The following TACR1 variants were observed in gnomAD, a reference collection of about 807,000 sequenced individuals.
TACR1 encodes tachykinin receptor 1, also known as substance-P receptor.
In TACR1, 25 loss-of-function variants were observed where a neutral mutation model predicts 35.8. That is an observed-to-expected ratio of 0.70 (90% confidence interval 0.51 to 0.98). The LOEUF is 0.98. TACR1 is among the 50% of genes least tolerant of loss of function. The pLI is 0.00. For synonymous variants in TACR1, 195 were observed against 206.7 expected (o/e 0.94, Z 0.48); for missense variants, 478 against 522.9 (o/e 0.91, Z 0.84).
chr2:75,124,888 C>T (rs3821315), intron 1 of TACR1, among the ~76,000 whole-genome samples: 69,477 of 152,008 alleles, frequency 0.46, 16,817 homozygotes, highest in Non-Finnish European at 0.54. Flanking sequence ...GATGGGAACT[C>T]ATTGGGTAGA....
chr2:75,168,893 T>A (rs1240616437), intron 1 of TACR1, among the ~76,000 whole-genome samples: 1 of 152,128 alleles, frequency 6.6e-6, no homozygotes, highest in African/African-American at 2.4e-5. Context: ...CACCAGAGAC[T>A]TTTTCCCCTA....
intron 1 of TACR1, among the ~76,000 whole-genome samples, chr2:75,191,189 C>T (rs1675836932): frequency 6.6e-6 from 1 of 152,200 alleles, no homozygotes; most frequent in South Asian, 2.1e-4. Flanking sequence ...GTCAGTCTCA[C>T]ATACGTGGGA....
At chr2:75,140,572 C>G (rs773269173) in intron 1 of TACR1, among the ~76,000 whole-genome samples, 3 of 152,142 alleles carry the variant, frequency 2.0e-5, no homozygotes, top group African/African-American at 4.8e-5. Context: ...ACTGTCATCT[C>G]CCTCTGAAGA....
intron 1 of TACR1, among the ~76,000 whole-genome samples, chr2:75,129,149 A>G (rs572425792): frequency 6.6e-6 from 1 of 152,336 alleles, no homozygotes; most frequent in East Asian, 1.9e-4. Flanking sequence ...CGTAAGGGAA[A>G]GGGGAATTGC....
At chr2:75,063,049 A>T (rs919895773) in intron 2 of TACR1, among the ~76,000 whole-genome samples, 1 of 152,128 alleles carries the variant, frequency 6.6e-6, no homozygotes, top group Non-Finnish European at 1.5e-5. Context: ...ACAGGAGAAA[A>T]ACTTGTGCAG....
At chr2:75,079,400 A>G (rs1307543091) in intron 2 of TACR1, among the ~76,000 whole-genome samples, 1 of 152,094 alleles carries the variant, frequency 6.6e-6, no homozygotes, top group Non-Finnish European at 1.5e-5. Context: ...CCCCAAACCC[A>G]GTTACTTTCT....
chr2:75,069,377 AT>A (rs1299349904), intron 2 of TACR1, among the ~76,000 whole-genome samples: 2 of 151,746 alleles, frequency 1.3e-5, no homozygotes, highest in Non-Finnish European at 2.9e-5. Flanking sequence ...AAAAATGACA[AT>A]TTTATTTTAG....
chr2:75,177,918 C>T lies in TACR1; in HGVS notation c.389+20628G>A, dbSNP rs55677722. Among the ~76,000 whole-genome samples the T allele has an allele frequency of 1.5e-3, 228 of 152,298 alleles. 1 individual carries two copies. The highest frequency in any genetic ancestry group is 4.2e-3 in the African/African-American group (174 of 41,566). On this transcript the variant is annotated intron_variant, in intron 1 of 4. Coordinates refer to ENST00000305249, the MANE Select transcript of TACR1 (RefSeq NM_001058.4). ...ACATGACGATTTCACTTTTCCTCTC[C>T]TCTCAACCTCTAACACCTCCTTCCT...
intron 1 of TACR1, among the ~76,000 whole-genome samples, chr2:75,142,381 A>T (rs150580650): frequency 1.3e-5 from 2 of 152,342 alleles, no homozygotes; most frequent in African/African-American, 4.8e-5. Context: ...GTTCGCAGTA[A>T]GTTTGGCAAA....
chr2:75,102,398 A>T (rs929265392), intron 2 of TACR1, among the ~76,000 whole-genome samples: 1 of 152,228 alleles, frequency 6.6e-6, no homozygotes, highest in Non-Finnish European at 1.5e-5. Flanking sequence ...GAACTAACTG[A>T]TACACGATCT....
chr2:75,102,696 G>A (rs957149826), intron 2 of TACR1, among the ~76,000 whole-genome samples: 9 of 152,144 alleles, frequency 5.9e-5, no homozygotes, highest in Admixed American at 1.3e-4. Flanking sequence ...TTTATAAATC[G>A]TGATATTCCC....
At chr2:75,135,432 T>G (rs1036710739) in intron 1 of TACR1, among the ~76,000 whole-genome samples, 41 of 152,306 alleles carry the variant, frequency 2.7e-4, no homozygotes, top group African/African-American at 9.6e-4. Flanking sequence ...CCATGTGGTC[T>G]CTTTCCAGAG....
At chr2:75,071,227 C>T (rs1226351487) in intron 2 of TACR1, among the ~76,000 whole-genome samples, 1 of 152,174 alleles carries the variant, frequency 6.6e-6, no homozygotes, top group African/African-American at 2.4e-5. Context: ...TAAAGTCATC[C>T]TCTTAAAACT....
At chr2:75,130,899 G>C (rs7602299) in intron 1 of TACR1, among the ~76,000 whole-genome samples, 106,777 of 152,084 alleles carry the variant, frequency 0.7, 38,471 homozygotes, top group African/African-American at 0.87. Flanking sequence ...AATGACCGTT[G>C]TTCTAAATTA....
chr2:75,121,716 T>C (rs934184256), intron 1 of TACR1, among the ~76,000 whole-genome samples: 6 of 152,234 alleles, frequency 3.9e-5, no homozygotes, highest in African/African-American at 1.4e-4. Context: ...AGTTTATAGC[T>C]CTATACCTTA....
At chr2:75,106,256 T>A (rs1673643229) in intron 2 of TACR1, among the ~76,000 whole-genome samples, 1 of 152,014 alleles carries the variant, frequency 6.6e-6, no homozygotes, top group African/African-American at 2.4e-5. Context: ...TTCAAAAAAA[T>A]TATTAAAGAG....
At chr2:75,172,799 T>C (rs1675322371) in intron 1 of TACR1, among the ~76,000 whole-genome samples, 1 of 152,134 alleles carries the variant, frequency 6.6e-6, no homozygotes, top group African/African-American at 2.4e-5. Flanking sequence ...GTCCAGAAAT[T>C]GGCAGAGTTG....
In TACR1 at chr2:75,128,126, C is replaced by T. The variant is rs560606524; in HGVS notation, c.390-7358G>A. On this transcript the variant is annotated intron_variant, in intron 1 of 4. Coordinates refer to ENST00000305249, the MANE Select transcript of TACR1 (RefSeq NM_001058.4). ...CCTTACACAACTGGTAAAAGTTTGCCTGGATGTGCCAGCTGATGTTTGACC... is the reference window on the plus strand; with the variant it reads ...CCTTACACAACTGGTAAAAGTTTGCTTGGATGTGCCAGCTGATGTTTGACC... Among the ~76,000 whole-genome samples the T allele has an allele frequency of 5.3e-5, 8 of 152,302 alleles. No homozygotes were observed. In the South Asian group the frequency reaches 1.7e-3, roughly 32 times the overall value.
intron 1 of TACR1, among the ~76,000 whole-genome samples, chr2:75,138,552 T>C (rs954767380): frequency 2.0e-5 from 3 of 152,184 alleles, no homozygotes; most frequent in Admixed American, 2.0e-4. Flanking sequence ...AACAGGCCCA[T>C]CCAGGTGGGA....
Sources: allele counts gnomAD v4.1 joint callset (sites outside exome capture counted in the v4.1 genomes callset), GRCh38; gene constraint gnomAD v4.1.1; transcripts MANE v1.5; gene names NCBI Gene and HGNC (gene_info 2026-07-23, HGNC 2026-07-21).